BTD: variants seen among roughly 807,000 people sequenced by gnomAD.
BTD encodes the protein biotinidase.
In BTD, 13 loss-of-function variants were observed where a neutral mutation model predicts 17.7. The observed-to-expected ratio is 0.74, with a 90% CI of 0.48 to 1.17. The LOEUF (loss-of-function observed/expected upper bound fraction) is 1.17, where lower values mean the gene tolerates loss of function less well. Among genes scored for constraint, BTD ranks in the 50% most tolerant of loss-of-function variants. The pLI is 0.00. For missense variants in BTD, 674 were observed against 650.4 expected (o/e 1.04, Z -0.39); for synonymous variants, 240 against 245.2 (o/e 0.98, Z 0.20).
chr3:15,653,777 G>A (rs1480842040), downstream of BTD, among the ~76,000 whole-genome samples: 1 of 152,214 alleles, frequency 6.6e-6, no homozygotes, highest in Non-Finnish European at 1.5e-5. Flanking sequence ...TTGTTGATCC[G>A]ACTATGGATG....
At chr3:15,700,786 T>C (rs1479820942) in intron 3 of BTD, among the ~76,000 whole-genome samples, 2 of 151,882 alleles carry the variant, frequency 1.3e-5, no homozygotes, top group African/African-American at 4.8e-5. Flanking sequence ...CACAACAGTA[T>C]ATAGGCCATA....
intron 1 of BTD, among the ~76,000 whole-genome samples, chr3:15,612,657 T>C (rs1315157583): frequency 6.6e-6 from 1 of 152,066 alleles, no homozygotes. Context: ...TGCTTTTATT[T>C]CTGGTGAGTT....
chr3:15,711,853 A>AT (rs1164091794), exon 4 of BTD, among the ~76,000 whole-genome samples: 148 of 127,076 alleles, frequency 1.2e-3, no homozygotes, highest in African/African-American at 3.6e-3. Context: ...CGCCCAGCTA[A>AT]TTTTTTTTTG....
At chr3:15,699,614 G>A (rs1335220294) in intron 3 of BTD, among the ~76,000 whole-genome samples, 2 of 152,166 alleles carry the variant, frequency 1.3e-5, no homozygotes, top group Non-Finnish European at 2.9e-5. Context: ...CATTTATGCA[G>A]CCAATAGACA....
At chr3:15,713,470 G>A, downstream of BTD, 1 of 1,368,860 alleles carries the variant, frequency 7.3e-7, no homozygotes, top group Non-Finnish European at 1.0e-6. Context: ...GAAAACTGCA[G>A]TTCACTTCCC....
At chr3:15,686,221 C>T in intron 3 of BTD, 1 of 1,590,546 alleles carries the variant, frequency 6.3e-7, no homozygotes, top group Non-Finnish European at 8.6e-7. Context: ...TCGAAACTTA[C>T]TGTCCATTTC....
chr3:15,655,478 A>T (rs556153675), downstream of BTD, among the ~76,000 whole-genome samples: 3 of 152,326 alleles, frequency 2.0e-5, no homozygotes, highest in East Asian at 5.8e-4. Flanking sequence ...AGTAAAAGGG[A>T]CATATGTCAC....
intron 3 of BTD, among the ~76,000 whole-genome samples, chr3:15,675,442 A>G (rs1214979730): frequency 6.6e-6 from 1 of 152,312 alleles, no homozygotes; most frequent in Middle Eastern, 3.4e-3. Flanking sequence ...ATGTTTATAT[A>G]CTGAGAGGAA....
At chr3:15,680,958 C>T (rs935922965) in intron 3 of BTD, among the ~76,000 whole-genome samples, 11 of 152,142 alleles carry the variant, frequency 7.2e-5, no homozygotes, top group South Asian at 6.2e-4. Flanking sequence ...TAAGCCACCA[C>T]GGCCAACATT....
rs996716314 is a variant in BTD at position 15,673,438 on chromosome 3, T to A, written c.399+31381T>A. ...CACTATTTAGAACACTAAGAATATA[T>A]CAGTGAATGCAACTGACAAAGATTT... On this transcript the variant is annotated intron_variant, in intron 3 of 3. Coordinates refer to the BTD transcript ENST00000672141. Among the ~76,000 whole-genome samples the A allele has an allele frequency of 2.0e-5, 3 of 152,204 alleles. No individual in the cohort carries two copies. In the East Asian group the frequency reaches 5.8e-4, roughly 29 times the overall value.
chr3:15,695,187 C>A lies in BTD; in HGVS notation c.400-14873C>A, dbSNP rs1255206414. The A allele has an allele frequency of 1.1e-5, 18 of 1,595,198 alleles. No homozygotes were observed. Among genetic ancestry groups the A allele is most frequent in the Non-Finnish European group, 3.4e-6 (4 of 1,168,190 alleles). On this transcript the variant is annotated intron_variant, in intron 3 of 3. Transcript: ENST00000672141. ...GTGGGAGGGAATTGACTAATACTTACAACATCTAGAGGAGTTTCACTTGCA... is the reference window on the plus strand; with the variant it reads ...GTGGGAGGGAATTGACTAATACTTAAAACATCTAGAGGAGTTTCACTTGCA...
chr3:15,640,132 A>T (rs904417448), intron 2 of BTD, among the ~76,000 whole-genome samples: 1 of 152,144 alleles, frequency 6.6e-6, no homozygotes, highest in Non-Finnish European at 1.5e-5. Context: ...TAAAACTCTA[A>T]TTTTTATACC....
chr3:15,645,289 C>G lies in BTD; in HGVS notation c.1373C>G (p.Ala458Gly). 1 of 1,614,158 alleles carries G rather than the reference C, an allele frequency of 6.2e-7. No homozygotes were observed. The highest frequency in any genetic ancestry group is 8.5e-7 in the Non-Finnish European group (1 of 1,180,038). ...ACCTGTGGACAGGAAATCACAGAGG[C>G]CACGGGGATATTTGAGTTTCACCTG... Reference protein sequence around the residue: ...FDTCGQEITEATGIFEFHLWG... With the variant: ...FDTCGQEITEGTGIFEFHLWG... The change falls in exon 4 of 4, where the codon GCC becomes GGC. Residue 458 changes from alanine (A) to glycine (G), a missense_variant. Ala to Gly is a moderately conservative substitution (Grantham distance 60). Transcript: ENST00000643237.
intron 3 of BTD, among the ~76,000 whole-genome samples, chr3:15,688,622 T>C (rs1382499907): frequency 5.9e-5 from 9 of 152,196 alleles, no homozygotes; most frequent in Admixed American, 3.9e-4. Context: ...GTGGGTGTTA[T>C]CAATAGTCTT....
chr3:15,679,916 T>A (rs1231988045), intron 3 of BTD, among the ~76,000 whole-genome samples: 2 of 147,068 alleles, frequency 1.4e-5, no homozygotes, highest in African/African-American at 5.4e-5. Flanking sequence ...ATTATTTACA[T>A]AACATTTACA....
chr3:15,663,043 G>A (rs2065941461), intron 3 of BTD, among the ~76,000 whole-genome samples: 1 of 151,934 alleles, frequency 6.6e-6, no homozygotes, highest in Non-Finnish European at 1.5e-5. Context: ...TGTCATCCAG[G>A]CTGGAGTGCA....
intron 3 of BTD, among the ~76,000 whole-genome samples, chr3:15,708,397 T>C (rs1363208014): frequency 6.6e-6 from 1 of 152,132 alleles, no homozygotes; most frequent in Non-Finnish European, 1.5e-5. Context: ...TTAGGAAAGT[T>C]TCCCCTACAT....
chr3:15,603,592 G>A (rs2064349190), intron 1 of BTD, among the ~76,000 whole-genome samples: 1 of 152,180 alleles, frequency 6.6e-6, no homozygotes, highest in African/African-American at 2.4e-5. Context: ...GGGAGGCAGA[G>A]CTTGCAGTGA....
chr3:15,722,116 C>T (rs544300379), exon 5 of BTD, among the ~76,000 whole-genome samples: 2 of 152,204 alleles, frequency 1.3e-5, no homozygotes, highest in East Asian at 3.9e-4. Context: ...CTGACCTCTC[C>T]CAAAGAGAGG....
Sources: allele counts gnomAD v4.1 joint callset (sites outside exome capture counted in the v4.1 genomes callset), GRCh38; gene constraint gnomAD v4.1.1; transcripts MANE v1.5; gene names NCBI Gene and HGNC (gene_info 2026-07-23, HGNC 2026-07-21).